STK36: variants seen among roughly 807,000 people sequenced by gnomAD.
The protein encoded by STK36 is serine/threonine-protein kinase 36.
A neutral mutation model predicts 142.2 loss-of-function variants in STK36; 116 were observed. The ratio of observed to expected loss-of-function variants is 0.82; its 90% CI spans 0.70 to 0.95. The LOEUF is 0.95. STK36 is among the 40% of genes least tolerant of loss of function. The pLI, the probability that STK36 is intolerant of heterozygous loss-of-function variation, is 0.00. For synonymous variants in STK36, 619 were observed against 641.7 expected, an observed-to-expected ratio of 0.96 and a Z score of 0.53; for missense variants, 1,422 against 1,617.2, an observed-to-expected ratio of 0.88 and a Z score of 2.07.
chr2:218,683,397 T>C (rs181730546), intron 10 of STK36, among the ~76,000 whole-genome samples: 4 of 151,564 alleles, frequency 2.6e-5, no homozygotes, highest in African/African-American at 2.4e-5. Flanking sequence ...GCCTCAGCCT[T>C]CTGAGTAGCT....
chr2:218,677,859 C>T (rs762584792), intron 6 of STK36, among the ~76,000 whole-genome samples: 23 of 152,176 alleles, frequency 1.5e-4, no homozygotes, highest in Non-Finnish European at 2.6e-4. Flanking sequence ...GGCACGATCT[C>T]GGCTCACTGC....
chr2:218,696,393 C>A, intron 21 of STK36, 134 bp from the exon 22 acceptor site: 1 of 730,036 alleles, frequency 1.4e-6, no homozygotes, highest in Non-Finnish European at 2.4e-6. Context: ...ATGGTTCCCC[C>A]AGGCCCCATA....
At chr2:218,692,811 C>A in intron 16 of STK36, 101 bp downstream of exon 16, 1 of 1,437,464 alleles carries the variant, frequency 7.0e-7, no homozygotes, top group Admixed American at 2.4e-5. Flanking sequence ...CTTTTAAGCC[C>A]CTCCTTTAGT....
At position 218,679,602 on chromosome 2, in the gene STK36, C is replaced by T. The variant is rs1303291885; in HGVS notation, c.821C>T (p.Thr274Ile). 1.2e-6 allele frequency: 2 copies of T among 1,614,114 alleles called. No individual in the cohort carries two copies. Among genetic ancestry groups the T allele is most frequent in the South Asian group, 2.2e-5 (2 of 91,066 alleles). ...GGCCCAGATTTGGGGACCCCATTCA[C>T]CAGCCGCCTACCCCCAGAACTTCAG... ...PAGPDLGTPF[T>I]SRLPPELQVL... The change falls in exon 8 of 27, where the codon ACC (threonine) becomes ATC (isoleucine). Residue 274 changes from threonine (T) to isoleucine (I), a missense_variant. This residue lies in a region of STK36 where 460 missense variants were observed against 449.6 expected (regional missense o/e 1.02). Coordinates refer to ENST00000295709, the MANE Select transcript of STK36 (RefSeq NM_015690.5).
At chr2:218,687,779 A>T (rs988365570) in intron 11 of STK36, among the ~76,000 whole-genome samples, 3 of 152,254 alleles carry the variant, frequency 2.0e-5, no homozygotes, top group Admixed American at 1.3e-4. Context: ...ATATTAAATG[A>T]GCAGATGCCA....
Position 218,676,240 on chromosome 2 carries a change from C to A in STK36, c.646C>A (p.Pro216Thr). The part of the protein sequence containing the change: ...FQLVSLILKD[P>T]VRWPSTISPC... ...GCTGGTCAGCCTCATTCTCAAGGACCCTGTGCGCTGGCCCTCAACCATCAG... is the reference window on the plus strand; with the variant it reads ...GCTGGTCAGCCTCATTCTCAAGGACACTGTGCGCTGGCCCTCAACCATCAG... Residue 216 changes from proline (P) to threonine (T), a missense_variant, in exon 6 of 27, where the codon CCT becomes ACT. Transcript: ENST00000295709. The A allele has an allele frequency of 1.2e-6, 2 of 1,614,158 alleles. No homozygotes were observed. Among genetic ancestry groups the A allele is most frequent in the Middle Eastern group, 1.7e-4 (1 of 6,060 alleles).
At chr2:218,676,850 C>A (rs1940275191) in intron 6 of STK36, among the ~76,000 whole-genome samples, 1 of 151,844 alleles carries the variant, frequency 6.6e-6, no homozygotes, top group Non-Finnish European at 1.5e-5. Flanking sequence ...CGGGGTTTCA[C>A]CGTGTTAGCC....
intron 6 of STK36, among the ~76,000 whole-genome samples, chr2:218,678,884 C>T (rs962883840): frequency 6.6e-6 from 1 of 152,170 alleles, no homozygotes; most frequent in Non-Finnish European, 1.5e-5. Flanking sequence ...TGTTTTTTCT[C>T]CCTTCTTTAC....
chr2:218,674,829 G>C (rs1401388713), intron 4 of STK36, among the ~76,000 whole-genome samples: 4 of 152,068 alleles, frequency 2.6e-5, no homozygotes, highest in Non-Finnish European at 5.9e-5. Flanking sequence ...CGAACTGCTG[G>C]CCTCAGGTGA....
At chr2:218,672,681 T>A (rs1489751056) in intron 1 of STK36, 60 bp from the exon 2 acceptor site, 1 of 680,206 alleles carries the variant, frequency 1.5e-6, no homozygotes, top group Admixed American at 2.7e-5. Flanking sequence ...TGAGGCTTTA[T>A]TGTGAAAAAG....
chr2:218,693,178 T>C (rs1941080333), intron 16 of STK36, 62 bp from the exon 17 acceptor site: 1 of 1,400,166 alleles, frequency 7.1e-7, no homozygotes, highest in Non-Finnish European at 1.0e-6. Context: ...ATTTTGGACA[T>C]ATGTGAGGAA....
intron 25 of STK36, 42 bp from the exon 26 acceptor site, chr2:218,698,560 A>ACT: frequency 5.7e-6 from 9 of 1,587,330 alleles, no homozygotes; most frequent in Non-Finnish European, 7.7e-6. Flanking sequence ...AGCTGCATAT[A>ACT]CTCTCTCTCT....
intron 10 of STK36, among the ~76,000 whole-genome samples, chr2:218,681,256 T>A (rs1940509066): frequency 6.6e-6 from 1 of 151,802 alleles, no homozygotes; most frequent in Non-Finnish European, 1.5e-5. Context: ...GCCTCTTGAG[T>A]AGTGGGATTA....
Position 218,699,100 on chromosome 2 carries a change from C to T in STK36, c.3556C>T (p.Leu1186=), listed in dbSNP as rs1941349296. The T allele has an allele frequency of 6.2e-7, 1 of 1,614,044 alleles. No homozygotes were observed. The highest frequency in any genetic ancestry group is 1.3e-5 in the African/African-American group (1 of 75,046). The change falls in exon 26 of 27, where the codon CTG becomes TTG. Residue 1186 remains leucine, a synonymous_variant. Coordinates refer to ENST00000295709, the MANE Select transcript of STK36 (RefSeq NM_015690.5). ...CAATGCAGCCTACCAGGCTGGTCCT[C>T]TGGGACCTGCCCTGGCAGCTGCAGT... is the stretch of plus-strand genomic sequence containing the variant. ...VGNAAYQAGP[L]GPALAAAVPS... is the part of the protein sequence containing the mutation.
Position 218,696,577 on chromosome 2 carries a change from C to G in STK36, c.2562C>G (p.Ile854Met), listed in dbSNP as rs1242620732. 1 of 1,614,134 alleles carries G rather than the reference C, an allele frequency of 6.2e-7. No individual in the cohort carries two copies. The highest frequency in any genetic ancestry group is 8.5e-7 in the Non-Finnish European group (1 of 1,179,992). ...GTGGATTCTATGATGGCCTCCTTAT[C>G]CTTCTGTTGCAGCTCCTCACTGAGG... is the stretch of plus-strand genomic sequence containing the variant. Reference protein sequence around the residue: ...GSCGFYDGLLILLLQLLTEQG... With the variant: ...GSCGFYDGLLMLLLQLLTEQG... Residue 854 changes from isoleucine (I) to methionine (M), a missense_variant, in exon 22 of 27, where the codon ATC becomes ATG. This residue lies in a region of STK36 where 962 missense variants were observed against 1,167.5 expected (regional missense o/e 0.82). Coordinates refer to ENST00000295709, the MANE Select transcript of STK36 (RefSeq NM_015690.5).
At chr2:218,678,103 T>G (rs1940339006) in intron 6 of STK36, among the ~76,000 whole-genome samples, 1 of 152,170 alleles carries the variant, frequency 6.6e-6, no homozygotes, top group African/African-American at 2.4e-5. Context: ...TATTTCTTTT[T>G]TAATTAATTA....
chr2:218,676,789 C>T (rs1488295964), intron 6 of STK36, among the ~76,000 whole-genome samples: 1 of 152,032 alleles, frequency 6.6e-6, no homozygotes. Flanking sequence ...GCTGGGATTA[C>T]AGGTGCCCAC....
Position 218,702,140 on chromosome 2 carries a change from A to C in STK36, c.*131A>C. On this transcript the variant is annotated 3_prime_UTR_variant, in exon 27 of 27. Coordinates refer to ENST00000295709, the MANE Select transcript of STK36 (RefSeq NM_015690.5). ...TAAGCTGCCAACTCAACTGAGAACA[A>C]GAAACTAGAAGAGATTTATATATAA... 1.6e-5 allele frequency: 18 copies of C among 1,104,966 alleles called. No individual in the cohort carries two copies. The highest frequency in any genetic ancestry group is 2.3e-5 in the Non-Finnish European group (18 of 795,490). The allele number at this position is 1,104,966 out of a possible 1,614,324, so 68.4% of individuals were successfully genotyped here.
rs925222264 is a variant in STK36 at position 218,694,238 on chromosome 2, T to C, written c.2337-26T>C. ...ACCAACCTCCTTTAATACTGCTGCATCCCTTGATGTATCTCTTTATTCCAG... is the reference window on the plus strand; with the variant it reads ...ACCAACCTCCTTTAATACTGCTGCACCCCTTGATGTATCTCTTTATTCCAG... On this transcript the variant is annotated intron_variant, in intron 19 of 26. Transcript: ENST00000295709. The surrounding 1 kb of genome is among the most constrained non-coding windows in gnomAD (Gnocchi z 4.4). The C allele has an allele frequency of 6.3e-7, 1 of 1,599,558 alleles. No individual in the cohort carries two copies. Among genetic ancestry groups the C allele is most frequent in the African/African-American group, 1.3e-5 (1 of 74,676 alleles).
Sources: gnomAD v4.1 joint callset for allele counts (sites outside exome capture counted in the v4.1 genomes callset) on GRCh38, gnomAD v4.1.1 for gene constraint, gnomAD v4.1.1 regional missense constraint, Gnocchi (gnomAD v3.1) non-coding constraint, MANE v1.5 for transcripts, NCBI Gene and HGNC (gene_info 2026-07-23, HGNC 2026-07-21) for gene names.